Variants in HEPHL1 observed in about 807,000 individuals in gnomAD.
HEPHL1 encodes ferroxidase HEPHL1.
HEPHL1 carries 123 observed loss-of-function variants against 122.0 expected under a neutral mutation model. The observed-to-expected ratio is 1.01, with a 90% CI of 0.87 to 1.17. The LOEUF (loss-of-function observed/expected upper bound fraction) is 1.17. Among genes scored for constraint, HEPHL1 ranks in the 50% most tolerant of loss-of-function variants. HEPHL1 has a pLI of 0.00. For synonymous variants in HEPHL1, 527 were observed against 508.9 expected, an observed-to-expected ratio of 1.04 and a Z score of -0.48; for missense variants, 1,452 against 1,430.5, an observed-to-expected ratio of 1.01 and a Z score of -0.24.
intron 1 of HEPHL1, among the ~76,000 whole-genome samples, chr11:94,043,509 T>G (rs1301710688): frequency 3.9e-5 from 6 of 151,984 alleles, no homozygotes; most frequent in Admixed American, 3.3e-4. Flanking sequence ...ATTAGAGAAA[T>G]TTGGCGTGCT....
intron 13 of HEPHL1, among the ~76,000 whole-genome samples, chr11:94,097,484 G>A (rs555412962): frequency 1.2e-4 from 18 of 152,178 alleles, no homozygotes; most frequent in Non-Finnish European, 2.5e-4. Context: ...TGAGAAGAAT[G>A]TTTATTCTGC....
In HEPHL1 at chr11:94,102,942, C is replaced by T. The variant is rs1332077203; in HGVS notation, c.2604C>T (p.Ile868=). 1.3e-6 allele frequency: 2 copies of T among 1,599,270 alleles called. No homozygotes were observed. The highest frequency in any genetic ancestry group is 8.6e-7 in the Non-Finnish European group (1 of 1,166,868). ...AAGTAAAAACTTATAGATGGAATAT[C>T]CCTAAAAGATCCGGTCCAGGGCCTT... ...PGEVKTYRWN[I]PKRSGPGPSD... is the part of the protein sequence containing the mutation. Residue 868 remains isoleucine (I), a synonymous_variant, in exon 15 of 20, where the codon ATC becomes ATT. Coordinates refer to ENST00000315765, the MANE Select transcript of HEPHL1 (RefSeq NM_001098672.2).
At chr11:94,103,901 T>A (rs983168909) in intron 15 of HEPHL1, among the ~76,000 whole-genome samples, 2 of 152,204 alleles carry the variant, frequency 1.3e-5, no homozygotes, top group Non-Finnish European at 2.9e-5. Context: ...TATTTATGCA[T>A]CACAACAAAT....
At chr11:94,074,861 A>G (rs1206718470) in intron 8 of HEPHL1, among the ~76,000 whole-genome samples, 2 of 152,168 alleles carry the variant, frequency 1.3e-5, no homozygotes, top group Non-Finnish European at 1.5e-5. Context: ...AAGCATTCCA[A>G]TGATATTTTA....
Position 94,065,474 on chromosome 11 carries a change from C to T in HEPHL1, c.808+964C>T, listed in dbSNP as rs140195181. On this transcript the variant is annotated intron_variant, in intron 4 of 19. Transcript: ENST00000315765. ...AATGTAAATTTGGCTGTGTTTGATT[C>T]CTAGGCACATCAAGGCATGATTGTC... Among the ~76,000 whole-genome samples, 1,151 of 152,274 alleles carry T rather than the reference C, an allele frequency of 7.6e-3. 18 individuals carry two copies. Among genetic ancestry groups the T allele is most frequent in the African/African-American group, 0.027 (1,113 of 41,562 alleles).
intron 15 of HEPHL1, among the ~76,000 whole-genome samples, chr11:94,103,438 A>C (rs970964712): frequency 6.6e-6 from 1 of 152,190 alleles, no homozygotes; most frequent in Non-Finnish European, 1.5e-5. Flanking sequence ...AATATAACTT[A>C]GAGTACAATT....
At chr11:94,024,665 T>C (rs1482173467) in intron 1 of HEPHL1, among the ~76,000 whole-genome samples, 1 of 152,190 alleles carries the variant, frequency 6.6e-6, no homozygotes, top group African/African-American at 2.4e-5. Flanking sequence ...TGTACTGATC[T>C]GTTTCCTTCC....
At chr11:94,060,554 C>T (rs929112874) in intron 2 of HEPHL1, among the ~76,000 whole-genome samples, 1 of 152,082 alleles carries the variant, frequency 6.6e-6, no homozygotes, top group African/African-American at 2.4e-5. Flanking sequence ...AGATAAGAAG[C>T]TAAGAGTCAT....
intron 9 of HEPHL1, among the ~76,000 whole-genome samples, chr11:94,079,120 G>A (rs1946149077): frequency 6.6e-6 from 1 of 152,178 alleles, no homozygotes; most frequent in South Asian, 2.1e-4. Flanking sequence ...ACAGCACTGA[G>A]TGCTTAATAT....
chr11:94,104,762 G>T lies in HEPHL1; in HGVS notation c.2905+12G>T. The T allele has an allele frequency of 6.3e-7, 1 of 1,587,536 alleles. No homozygotes were observed. Among genetic ancestry groups the T allele is most frequent in the East Asian group, 2.2e-5 (1 of 44,728 alleles). On this transcript the variant is annotated intron_variant, in intron 16 of 19. Coordinates refer to ENST00000315765, the MANE Select transcript of HEPHL1 (RefSeq NM_001098672.2). The stretch of plus-strand genomic sequence containing the variant: ...CAACAGAATGCATGGTATATCCAAA[G>T]TTTAAAAAGAAGCCTATGTTGAGAT...
intron 4 of HEPHL1, among the ~76,000 whole-genome samples, chr11:94,066,011 C>T (rs570375565): frequency 2.7e-5 from 4 of 150,776 alleles, no homozygotes; most frequent in South Asian, 2.1e-4. Context: ...TAGGTAGATC[C>T]GTTATCTACA....
chr11:94,081,398 T>C (rs1028100730), intron 9 of HEPHL1, among the ~76,000 whole-genome samples: 19 of 152,194 alleles, frequency 1.2e-4, no homozygotes, highest in African/African-American at 4.6e-4. Flanking sequence ...CCATGGCACA[T>C]GTTTACCTAT....
chr11:94,099,906 T>C (rs1946353378), intron 13 of HEPHL1, among the ~76,000 whole-genome samples: 1 of 152,160 alleles, frequency 6.6e-6, no homozygotes. Flanking sequence ...CCAGGTGCCA[T>C]CTGTCACAGC....
intron 1 of HEPHL1, among the ~76,000 whole-genome samples, chr11:94,028,531 T>C (rs982350077): frequency 6.6e-6 from 1 of 152,196 alleles, no homozygotes; most frequent in African/African-American, 2.4e-5. Flanking sequence ...CCCCAGGCAC[T>C]GGCAATGTAA....
intron 2 of HEPHL1, among the ~76,000 whole-genome samples, chr11:94,062,984 A>T (rs1041580031): frequency 6.6e-6 from 1 of 152,128 alleles, no homozygotes; most frequent in African/African-American, 2.4e-5. Context: ...CAGTTGTCCC[A>T]TGTGTTTAAT....
intron 15 of HEPHL1, 133 bp from the exon 16 acceptor site, chr11:94,104,395 C>G: frequency 1.5e-6 from 1 of 648,570 alleles, no homozygotes; most frequent in Non-Finnish European, 2.7e-6. Context: ...TGGGGTGAAT[C>G]AGAGCTGAGA....
At chr11:94,037,560 C>G (rs1465595801) in intron 1 of HEPHL1, among the ~76,000 whole-genome samples, 1 of 152,136 alleles carries the variant, frequency 6.6e-6, no homozygotes, top group African/African-American at 2.4e-5. Context: ...GGTCCCTGAC[C>G]CCTGACCCCC....
At chr11:94,044,666 T>C (rs1591467015) in intron 1 of HEPHL1, among the ~76,000 whole-genome samples, 1 of 152,156 alleles carries the variant, frequency 6.6e-6, no homozygotes, top group East Asian at 1.9e-4. Flanking sequence ...CCACTTAGTG[T>C]CCTCACTTTT....
Position 94,106,143 on chromosome 11 carries a change from A to G in HEPHL1, c.3045+13A>G, listed in dbSNP as rs1397487084. 14 of 1,528,750 alleles carry G rather than the reference A, an allele frequency of 9.2e-6. No individual in the cohort carries two copies. Among genetic ancestry groups the G allele is most frequent in the South Asian group, 1.3e-5 (1 of 76,304 alleles). 94.7% of individuals were successfully genotyped at this position (1,528,750 alleles called of 1,614,324 possible). A position where few individuals can be genotyped will look rare whatever the true frequency, so the allele number is the denominator to read the frequency against. On this transcript the variant is annotated intron_variant, in intron 17 of 19. Coordinates refer to ENST00000315765, the MANE Select transcript of HEPHL1 (RefSeq NM_001098672.2). ...CTTTCTTTTCAAAGTAAGTATAAGG[A>G]AAGTGCTTTGGGAAAGACGTTTTTG... is the stretch of plus-strand genomic sequence containing the variant.
Sources: gnomAD v4.1 joint callset for allele counts (sites outside exome capture counted in the v4.1 genomes callset) on GRCh38, gnomAD v4.1.1 for gene constraint, MANE v1.5 for transcripts, NCBI Gene and HGNC (gene_info 2026-07-23, HGNC 2026-07-21) for gene names.